The following LRPPRC variants were observed in gnomAD, a reference collection of about 807,000 sequenced individuals.
LRPPRC encodes leucine rich pentatricopeptide repeat containing.
A neutral mutation model predicts 180.3 loss-of-function variants in LRPPRC; 120 were observed. The observed-to-expected ratio is 0.67, with a 90% CI of 0.57 to 0.77. The LOEUF (loss-of-function observed/expected upper bound fraction) is 0.77. Ranked by LOEUF, LRPPRC falls within the 30% of genes least tolerant of loss-of-function variation. The pLI, the probability that LRPPRC is intolerant of heterozygous loss-of-function variation, is 0.00. For synonymous variants in LRPPRC, 723 were observed against 600.0 expected, an observed-to-expected ratio of 1.21 and a Z score of -3.00; for missense variants, 2,012 against 1,657.2, an observed-to-expected ratio of 1.21 and a Z score of -3.72.
intron 13 of LRPPRC, among the ~76,000 whole-genome samples, chr2:43,960,217 TTTAGTA>T (rs1190960332): frequency 4.1e-4 from 62 of 152,228 alleles, no homozygotes; most frequent in Admixed American, 4.1e-3. Flanking sequence ...ACTATCCCTG[TTTAGTA>T]AAAGTGAAGC....
chr2:43,902,230 A>G (rs191630619), intron 31 of LRPPRC: 1 of 152,298 alleles, frequency 6.6e-6, no homozygotes, highest in Non-Finnish European at 1.5e-5. Flanking sequence ...TTTTGTTTGT[A>G]TGTTTTTTTG....
At chr2:43,967,568 C>T (rs1673617303) in intron 11 of LRPPRC, among the ~76,000 whole-genome samples, 1 of 152,308 alleles carries the variant, frequency 6.6e-6, no homozygotes, top group East Asian at 1.9e-4. Context: ...GTGGCAGGCG[C>T]CTATAATCCC....
chr2:43,982,185 A>G, intron 2 of LRPPRC, 53 bp downstream of exon 2: 1 of 1,302,180 alleles, frequency 7.7e-7, no homozygotes, highest in Non-Finnish European at 1.1e-6. Flanking sequence ...TACAGGCCTG[A>G]GCCACTGTGA....
intron 11 of LRPPRC, among the ~76,000 whole-genome samples, chr2:43,969,388 C>T (rs182771208): frequency 1.8e-4 from 26 of 147,634 alleles, no homozygotes; most frequent in African/African-American, 5.0e-4. Flanking sequence ...CCAGCCTGGG[C>T]GACAGAGCGA....
chr2:43,944,906 G>A (rs1162603046), intron 22 of LRPPRC, among the ~76,000 whole-genome samples: 1 of 151,978 alleles, frequency 6.6e-6, no homozygotes, highest in Non-Finnish European at 1.5e-5. Flanking sequence ...TTATTAAAAA[G>A]TAAGGCAAAG....
Position 43,995,961 on chromosome 2 carries a change from C to T in LRPPRC, c.-14G>A. Reference sequence around the variant, plus strand: ...CAGGGCTGCCATTGCTCGAACGTCCCCGCAGCGGGAAGCACGCTCCGCCAG... The same window carrying T: ...CAGGGCTGCCATTGCTCGAACGTCCTCGCAGCGGGAAGCACGCTCCGCCAG... On this transcript the variant is annotated 5_prime_UTR_variant, in exon 1 of 38. Coordinates refer to ENST00000260665, the MANE Select transcript of LRPPRC (RefSeq NM_133259.4). 6.6e-7 allele frequency: 1 copy of T among 1,524,494 alleles called. No individual in the cohort carries two copies. The highest frequency in any genetic ancestry group is 8.8e-7 in the Non-Finnish European group (1 of 1,142,498). The allele number at this position is 1,524,494 out of a possible 1,614,324, so 94.4% of individuals were successfully genotyped here. A position where few individuals can be genotyped will look rare whatever the true frequency, so the allele number is the denominator to read the frequency against.
chr2:43,906,277 C>A (rs1360466600), intron 30 of LRPPRC, among the ~76,000 whole-genome samples: 2 of 152,122 alleles, frequency 1.3e-5, no homozygotes, highest in African/African-American at 4.8e-5. Context: ...CAAATTTCTG[C>A]CATCTAGATT....
At position 43,888,484 on chromosome 2, in the gene LRPPRC, CACAT is replaced by C. The variant is rs1572880865; in HGVS notation, c.*112_*115del. On this transcript the variant is annotated 3_prime_UTR_variant, in exon 38 of 38. Coordinates refer to ENST00000260665, the MANE Select transcript of LRPPRC (RefSeq NM_133259.4). ...TCAATAAGACTTTGAACATGCATCA[CACAT>C]ACATAAGTACATAAAGAAAATTTTC... 7 of 692,992 alleles carry C rather than the reference CACAT, an allele frequency of 1.0e-5. No individual in the cohort carries two copies. The highest frequency in any genetic ancestry group is 8.3e-5 in the Admixed American group (4 of 48,008). The allele number at this position is 692,992 out of a possible 1,614,324, so 42.9% of individuals were successfully genotyped here.
intron 13 of LRPPRC, among the ~76,000 whole-genome samples, chr2:43,958,495 C>T (rs1358527053): frequency 6.6e-6 from 1 of 152,156 alleles, no homozygotes; most frequent in African/African-American, 2.4e-5. Context: ...TTTAGATCAG[C>T]TGCTATATTC....
At chr2:43,896,840 ACTATTATTTTT>A (rs1216618489) in intron 34 of LRPPRC, 132 bp from the exon 35 acceptor site, 2 of 657,516 alleles carry the variant, frequency 3.0e-6, no homozygotes, top group Non-Finnish European at 5.5e-6. Context: ...CTAATAGTCG[ACTATTATTTTT>A]TAAGGCAAGA....
At chr2:43,897,518 T>C (rs1670727890) in intron 34 of LRPPRC, among the ~76,000 whole-genome samples, 1 of 152,044 alleles carries the variant, frequency 6.6e-6, no homozygotes, top group Non-Finnish European at 1.5e-5. Flanking sequence ...CGCACTGATG[T>C]TTTTGACATC....
intron 29 of LRPPRC, among the ~76,000 whole-genome samples, chr2:43,917,407 T>A (rs1390080840): frequency 6.6e-6 from 1 of 152,152 alleles, no homozygotes; most frequent in Non-Finnish European, 1.5e-5. Flanking sequence ...TTGACTTTTT[T>A]CATCCCTCAA....
In LRPPRC at chr2:43,949,655, G is replaced by A. The variant is rs1324805913; in HGVS notation, c.1682C>T (p.Thr561Ile). Residue 561 changes from threonine to isoleucine, a missense_variant, in exon 16 of 38, where the codon ACA (threonine) becomes ATA (isoleucine). Thr to Ile is a moderately conservative substitution (Grantham distance 89). Coordinates refer to ENST00000260665, the MANE Select transcript of LRPPRC (RefSeq NM_133259.4). Reference sequence around the variant, plus strand: ...ACGTCCATCCTTGTACAACAATTCTGTTATCTGGTAAGACAGAAAATTCGT... The same window carrying A: ...ACGTCCATCCTTGTACAACAATTCTATTATCTGGTAAGACAGAAAATTCGT... ...SMNINLWSEITELLYKDGRYC... is the reference protein window; with the variant it reads ...SMNINLWSEIIELLYKDGRYC... 1 of 1,613,016 alleles carries A rather than the reference G, an allele frequency of 6.2e-7. No homozygotes were observed. Among genetic ancestry groups the A allele is most frequent in the Admixed American group, 1.7e-5 (1 of 60,006 alleles).
intron 11 of LRPPRC, among the ~76,000 whole-genome samples, chr2:43,972,206 C>T (rs1673850356): frequency 6.6e-6 from 1 of 152,178 alleles, no homozygotes. Context: ...CACTGAATGT[C>T]TGTGTGGCCC....
intron 1 of LRPPRC, among the ~76,000 whole-genome samples, chr2:43,986,521 T>C (rs1674533610): frequency 6.6e-6 from 1 of 152,170 alleles, no homozygotes; most frequent in African/African-American, 2.4e-5. Flanking sequence ...TATCAAGAGT[T>C]TAAAGGTAGA....
intron 11 of LRPPRC, among the ~76,000 whole-genome samples, chr2:43,966,413 TA>T (rs1467874975): frequency 1.6e-5 from 2 of 121,314 alleles, no homozygotes; most frequent in Non-Finnish European, 3.9e-5. Flanking sequence ...CTGGCCACAA[TA>T]TTTTTTTTTT....
chr2:43,968,677 C>T (rs1462433405), intron 11 of LRPPRC, among the ~76,000 whole-genome samples: 3 of 152,042 alleles, frequency 2.0e-5, no homozygotes, highest in Non-Finnish European at 2.9e-5. Flanking sequence ...AAAAAACAGT[C>T]GAAAACTCAC....
intron 13 of LRPPRC, among the ~76,000 whole-genome samples, 188 bp downstream of exon 13, chr2:43,960,353 C>G (rs1559015352): frequency 6.6e-6 from 1 of 152,190 alleles, no homozygotes; most frequent in East Asian, 1.9e-4. Flanking sequence ...ATATAATATT[C>G]AATGTCCTTA....
chr2:43,996,074 T>A, upstream of LRPPRC: 4 of 858,912 alleles, frequency 4.7e-6, no homozygotes, highest in Non-Finnish European at 7.1e-6. Flanking sequence ...GAGCGACGGA[T>A]TGTTTTAGGT....
Sources: allele counts gnomAD v4.1 joint callset (sites outside exome capture counted in the v4.1 genomes callset), GRCh38; gene constraint gnomAD v4.1.1; transcripts MANE v1.5; gene names NCBI Gene and HGNC (gene_info 2026-07-23, HGNC 2026-07-21).